UGGT2: variants seen among roughly 807,000 people sequenced by gnomAD.
The protein encoded by UGGT2 is UDP-glucose:glycoprotein glucosyltransferase 2.
In UGGT2, 180 loss-of-function variants were observed where a neutral mutation model predicts 192.1. That is an observed-to-expected ratio of 0.94 (90% CI 0.83 to 1.06). The LOEUF (loss-of-function observed/expected upper bound fraction) is 1.06. UGGT2 is among the 50% of genes least tolerant of loss of function. The probability of loss-of-function intolerance (pLI) is 0.00; values close to 1 mark genes in which losing one functional copy is unlikely to be tolerated. For missense variants in UGGT2, 1,849 were observed against 1,795.7 expected (o/e 1.03, Z -0.54); for synonymous variants, 580 against 591.0 (o/e 0.98, Z 0.27).
intron 2 of UGGT2, 150 bp from the exon 3 acceptor site, chr13:96,023,909 C>T (rs2052589895): frequency 1.7e-6 from 1 of 574,002 alleles, no homozygotes; most frequent in African/African-American, 1.9e-5. Flanking sequence ...AAATCAAGAT[C>T]TCAGTTCTAT....
chr13:96,031,305 T>TAG (rs1437108214), intron 2 of UGGT2, among the ~76,000 whole-genome samples: 1 of 152,054 alleles, frequency 6.6e-6, no homozygotes, highest in East Asian at 1.9e-4. Context: ...AAAAGAAAAC[T>TAG]ATCTTAATTT....
intron 16 of UGGT2, 99 bp from the exon 17 acceptor site, chr13:95,937,187 G>GA (rs1490247791): frequency 7.6e-7 from 1 of 1,310,642 alleles, no homozygotes; most frequent in Non-Finnish European, 1.0e-6. Context: ...TATGCCATAG[G>GA]AAAAAACATC....
chr13:95,901,829 C>T (rs1483775304), intron 21 of UGGT2, among the ~76,000 whole-genome samples: 2 of 152,104 alleles, frequency 1.3e-5, no homozygotes, highest in African/African-American at 2.4e-5. Flanking sequence ...TCAATCATCC[C>T]CTTTCTGACC....
intron 7 of UGGT2, among the ~76,000 whole-genome samples, chr13:95,994,718 T>A (rs774983652): frequency 1.9e-4 from 29 of 152,128 alleles, no homozygotes; most frequent in Non-Finnish European, 3.8e-4. Flanking sequence ...TAAAGAAAAG[T>A]ACTACTTTCG....
chr13:95,946,990 C>A lies in UGGT2; in HGVS notation c.1677+47G>T. ...CTAAAGAAATCATAATATAGTAATG[C>A]AAGAATTTTACCTTCTAAACAAATC... On this transcript the variant is annotated intron_variant, in intron 15 of 38. Coordinates refer to ENST00000376747, the MANE Select transcript of UGGT2 (RefSeq NM_020121.4). The A allele has an allele frequency of 2.7e-6, 4 of 1,474,690 alleles. No individual in the cohort carries two copies. In the South Asian group the frequency reaches 4.4e-5, roughly 16 times the overall value. The allele number at this position is 1,474,690 out of a possible 1,614,324, so 91.4% of individuals were successfully genotyped here. A position where few individuals can be genotyped will look rare whatever the true frequency, so the allele number is the denominator to read the frequency against.
chr13:95,877,639 G>A, intron 28 of UGGT2, 59 bp downstream of exon 28: 2 of 1,542,420 alleles, frequency 1.3e-6, no homozygotes, highest in Non-Finnish European at 1.8e-6. Flanking sequence ...TTTACTCTTA[G>A]GAAAACAGAG....
intron 20 of UGGT2, among the ~76,000 whole-genome samples, chr13:95,913,465 ACAAC>A (rs2048571966): frequency 6.6e-6 from 1 of 152,210 alleles, no homozygotes. Flanking sequence ...AGACATCTAC[ACAAC>A]CAACAGACAC....
chr13:95,811,293 G>A (rs912360445), intron 38 of UGGT2, among the ~76,000 whole-genome samples: 9 of 152,138 alleles, frequency 5.9e-5, no homozygotes, highest in African/African-American at 9.7e-5. Context: ...CTTAAAACCT[G>A]TATATAAATA....
intron 1 of UGGT2, among the ~76,000 whole-genome samples, chr13:96,036,658 T>C (rs535006506): frequency 1.3e-4 from 20 of 152,296 alleles, no homozygotes; most frequent in African/African-American, 4.8e-4. Flanking sequence ...TCAGAGGCCA[T>C]TTACTGGTAA....
intron 17 of UGGT2, among the ~76,000 whole-genome samples, chr13:95,936,536 G>A (rs779464012): frequency 2.8e-4 from 42 of 152,234 alleles, no homozygotes; most frequent in Non-Finnish European, 5.6e-4. Context: ...CCCAACGGCA[G>A]GCACAAGCAC....
chr13:96,048,931 T>A (rs1043286625), intron 1 of UGGT2, among the ~76,000 whole-genome samples: 3 of 152,036 alleles, frequency 2.0e-5, no homozygotes, highest in Non-Finnish European at 4.4e-5. Flanking sequence ...CATTCTTTCT[T>A]AAACTATTCC....
intron 17 of UGGT2, among the ~76,000 whole-genome samples, chr13:95,933,963 C>A (rs572629910): frequency 6.6e-6 from 1 of 152,282 alleles, no homozygotes; most frequent in East Asian, 1.9e-4. Flanking sequence ...GGATTACAGG[C>A]GTGAGCCACC....
At chr13:95,889,890 T>C (rs910887790) in intron 25 of UGGT2, among the ~76,000 whole-genome samples, 1 of 152,192 alleles carries the variant, frequency 6.6e-6, no homozygotes, top group Non-Finnish European at 1.5e-5. Context: ...TGTGCTCTTA[T>C]TCTCCCCTTC....
chr13:95,923,887 T>C (rs1003935333), intron 20 of UGGT2, among the ~76,000 whole-genome samples: 1 of 152,212 alleles, frequency 6.6e-6, no homozygotes, highest in Non-Finnish European at 1.5e-5. Context: ...TTTTCTTCCT[T>C]GTTAGTCTTT....
chr13:95,905,013 A>T lies in UGGT2; in HGVS notation c.2296-1953T>A, dbSNP rs567922732. 2.0e-3 allele frequency among the ~76,000 whole-genome samples: 307 copies of T among 151,682 alleles called. 1 individual carries two copies. The highest frequency in any genetic ancestry group is 6.7e-3 in the African/African-American group (275 of 41,302). ...CTAACTGGTGTGAGATGGTATCTCA[A>T]TGTGGTTTTGATTTGCATTTCTCTG... is the stretch of plus-strand genomic sequence containing the variant. On this transcript the variant is annotated intron_variant, in intron 20 of 38. Coordinates refer to ENST00000376747, the MANE Select transcript of UGGT2 (RefSeq NM_020121.4).
At chr13:95,834,361 C>T (rs1371817919) in intron 37 of UGGT2, among the ~76,000 whole-genome samples, 3 of 151,842 alleles carry the variant, frequency 2.0e-5, no homozygotes, top group Admixed American at 1.3e-4. Context: ...TGGTGGGGTG[C>T]TACTGCCATC....
intron 12 of UGGT2, among the ~76,000 whole-genome samples, chr13:95,959,484 T>C (rs2050319681): frequency 6.6e-6 from 1 of 152,074 alleles, no homozygotes; most frequent in South Asian, 2.1e-4. Context: ...AAGAACCATC[T>C]TGCCTGGTTC....
chr13:95,889,545 A>G (rs73558636), intron 25 of UGGT2, among the ~76,000 whole-genome samples: 2,526 of 152,314 alleles, frequency 0.017, 69 homozygotes, highest in African/African-American at 0.058. Flanking sequence ...AGTGAAGTTG[A>G]CTACCAAAGG....
intron 16 of UGGT2, 137 bp from the exon 17 acceptor site, chr13:95,937,225 C>A: frequency 1.0e-6 from 1 of 1,004,758 alleles, no homozygotes; most frequent in South Asian, 1.8e-5. Flanking sequence ...CTGTCCTTTC[C>A]AAACATTGCC....
Sources: allele counts gnomAD v4.1 joint callset (sites outside exome capture counted in the v4.1 genomes callset), GRCh38; gene constraint gnomAD v4.1.1; transcripts MANE v1.5; gene names NCBI Gene and HGNC (gene_info 2026-07-23, HGNC 2026-07-21).